The following KCNMB2 variants were observed in gnomAD, a reference collection of about 807,000 sequenced individuals.
The protein encoded by KCNMB2 is potassium calcium-activated channel subfamily M regulatory beta subunit 2.
KCNMB2 carries 9 observed loss-of-function variants against 24.5 expected under a neutral mutation model. That is an observed-to-expected ratio of 0.37 (90% CI 0.22 to 0.64). KCNMB2 has a LOEUF of 0.64. KCNMB2 is among the 30% of genes least tolerant of loss of function. The pLI is 0.63. For missense variants in KCNMB2, 226 were observed against 284.3 expected, an observed-to-expected ratio of 0.79 and a Z score of 1.47; for synonymous variants, 109 against 104.4, an observed-to-expected ratio of 1.04 and a Z score of -0.27.
At chr3:178,829,331 CTTATAG>C (rs549460655) in intron 4 of KCNMB2, among the ~76,000 whole-genome samples, 40 of 151,948 alleles carry the variant, frequency 2.6e-4, no homozygotes, top group Non-Finnish European at 4.1e-4. Flanking sequence ...AATGATATAA[CTTATAG>C]TTATTGAAAA....
intron 1 of KCNMB2, among the ~76,000 whole-genome samples, chr3:178,737,239 A>C (rs909090665): frequency 1.3e-5 from 2 of 152,168 alleles, no homozygotes; most frequent in South Asian, 2.1e-4. Context: ...ACTGCCCTCC[A>C]GCCTGGGTGA....
chr3:178,657,770 C>T (rs190376292), intron 1 of KCNMB2, among the ~76,000 whole-genome samples: 2 of 152,320 alleles, frequency 1.3e-5, no homozygotes, highest in Admixed American at 1.3e-4. Context: ...GGGCCTCATG[C>T]TGTGTCATAA....
At chr3:178,651,892 C>T (rs978208253) in intron 1 of KCNMB2, among the ~76,000 whole-genome samples, 1 of 152,124 alleles carries the variant, frequency 6.6e-6, no homozygotes, top group African/African-American at 2.4e-5. Flanking sequence ...AACTGGATCC[C>T]TTCCTTACAC....
At chr3:178,781,070 C>A (rs144576952) in intron 1 of KCNMB2, among the ~76,000 whole-genome samples, 5 of 151,804 alleles carry the variant, frequency 3.3e-5, no homozygotes, top group Non-Finnish European at 5.9e-5. Context: ...ACCATTAATT[C>A]TTTTTATTTT....
At chr3:178,810,215 G>C (rs1714131869) in intron 2 of KCNMB2, among the ~76,000 whole-genome samples, 1 of 152,024 alleles carries the variant, frequency 6.6e-6, no homozygotes, top group Admixed American at 6.6e-5. Context: ...TTAATTATTT[G>C]GAAATAAATT....
intron 1 of KCNMB2, among the ~76,000 whole-genome samples, chr3:178,646,815 G>T (rs1719939771): frequency 6.6e-6 from 1 of 152,260 alleles, no homozygotes; most frequent in African/African-American, 2.4e-5. Flanking sequence ...GGAGAAAAAT[G>T]ACTTCAATAA....
At chr3:178,623,920 C>A (rs1298890240) in intron 1 of KCNMB2, among the ~76,000 whole-genome samples, 1 of 152,110 alleles carries the variant, frequency 6.6e-6, no homozygotes, top group Non-Finnish European at 1.5e-5. Flanking sequence ...GAATATTTGC[C>A]CAGGAGCTCT....
intron 1 of KCNMB2, among the ~76,000 whole-genome samples, chr3:178,801,278 C>G (rs1205437349): frequency 2.0e-5 from 3 of 151,894 alleles, no homozygotes; most frequent in Non-Finnish European, 2.9e-5. Flanking sequence ...ATGCCTGTAT[C>G]AAAATAACTC....
intron 1 of KCNMB2, among the ~76,000 whole-genome samples, chr3:178,549,312 T>TTA (rs920964042): frequency 6.7e-6 from 1 of 149,092 alleles, no homozygotes; most frequent in Non-Finnish European, 1.5e-5. Context: ...TTATTTTCTT[T>TTA]TTTTTTTTTT....
chr3:178,630,924 G>C (rs1719297670), intron 1 of KCNMB2, among the ~76,000 whole-genome samples: 1 of 152,130 alleles, frequency 6.6e-6, no homozygotes, highest in African/African-American at 2.4e-5. Context: ...TAGTGTTTTA[G>C]AAAGCAACTT....
intron 1 of KCNMB2, among the ~76,000 whole-genome samples, chr3:178,794,837 T>C (rs1425194542): frequency 1.3e-5 from 2 of 152,120 alleles, no homozygotes; most frequent in Admixed American, 6.5e-5. Context: ...GGCAGTATAG[T>C]TGGAGTGTGG....
chr3:178,644,000 T>G (rs1207708839), intron 1 of KCNMB2, among the ~76,000 whole-genome samples: 1 of 152,232 alleles, frequency 6.6e-6, no homozygotes, highest in Admixed American at 6.5e-5. Context: ...AACAGCCTTC[T>G]CACAGACCAT....
chr3:178,761,631 A>G (rs921949744), intron 1 of KCNMB2, among the ~76,000 whole-genome samples: 3 of 152,150 alleles, frequency 2.0e-5, no homozygotes, highest in African/African-American at 4.8e-5. Context: ...TCCCATCCAT[A>G]AAGAGTAGAA....
intron 1 of KCNMB2, among the ~76,000 whole-genome samples, chr3:178,606,297 T>A (rs1718268032): frequency 6.6e-6 from 1 of 152,114 alleles, no homozygotes; most frequent in South Asian, 2.1e-4. Context: ...TTTCAACTGG[T>A]TAGACAGGTT....
Position 178,757,785 on chromosome 3 carries a change from TAC to T in KCNMB2, c.-67-49556_-67-49555del, listed in dbSNP as rs1489789404. Among the ~76,000 whole-genome samples, 87 of 108,794 alleles carry T rather than the reference TAC, an allele frequency of 8.0e-4. 9 individuals are homozygous for T. The highest frequency in any genetic ancestry group is 9.3e-4 in the African/African-American group (27 of 28,904). 71.4% of individuals were successfully genotyped at this position (108,794 alleles called of 152,430 possible). ...ATATATATATCCAAGAGGATATATA[TAC>T]ATATATCTTATATCCATCCAAGAGG... On this transcript the variant is annotated intron_variant, in intron 1 of 4. Coordinates refer to ENST00000452583, the MANE Select transcript of KCNMB2 (RefSeq NM_181361.3).
intron 1 of KCNMB2, among the ~76,000 whole-genome samples, chr3:178,715,814 C>T (rs1233494692): frequency 6.6e-6 from 1 of 152,146 alleles, no homozygotes; most frequent in Admixed American, 6.5e-5. Context: ...TAGTGAGCTT[C>T]CCTTTCATGG....
At chr3:178,794,243 T>C (rs1713442913) in intron 1 of KCNMB2, among the ~76,000 whole-genome samples, 1 of 152,142 alleles carries the variant, frequency 6.6e-6, no homozygotes, top group South Asian at 2.1e-4. Flanking sequence ...TAGCTTCGTG[T>C]TCCCCTATCC....
intron 1 of KCNMB2, among the ~76,000 whole-genome samples, chr3:178,572,759 A>G (rs1716850860): frequency 6.6e-6 from 1 of 152,208 alleles, no homozygotes; most frequent in South Asian, 2.1e-4. Flanking sequence ...CACCACTTAC[A>G]TAGGAAGAAA....
intron 1 of KCNMB2, among the ~76,000 whole-genome samples, chr3:178,622,360 C>G (rs1718954673): frequency 6.6e-6 from 1 of 152,148 alleles, no homozygotes; most frequent in Non-Finnish European, 1.5e-5. Flanking sequence ...ATGCATAGAG[C>G]ACATTAAAAT....
Sources: gnomAD v4.1 joint callset for allele counts (sites outside exome capture counted in the v4.1 genomes callset) on GRCh38, gnomAD v4.1.1 for gene constraint, MANE v1.5 for transcripts, NCBI Gene and HGNC (gene_info 2026-07-23, HGNC 2026-07-21) for gene names.